Variants in MBP observed in about 807,000 individuals in gnomAD.
The protein encoded by MBP is myelin basic protein, also known as Golli-MBP.
MBP carries 16 observed loss-of-function variants against 35.8 expected under a neutral mutation model. The observed-to-expected ratio is 0.45, with a 90% CI of 0.30 to 0.68. MBP has a LOEUF of 0.68. MBP is among the 30% of genes least tolerant of loss of function. MBP has a pLI of 0.08. For missense variants in MBP, 380 were observed against 404.7 expected (o/e 0.94, Z 0.52); for synonymous variants, 143 against 159.6 (o/e 0.90, Z 0.78).
chr18:77,123,715 C>T (rs1452402053), intron 1 of MBP, among the ~76,000 whole-genome samples: 1 of 152,218 alleles, frequency 6.6e-6, no homozygotes, highest in East Asian at 1.9e-4. Context: ...TGTCCCCTCT[C>T]CTGGTGAGCA....
At position 77,036,983 on chromosome 18, in the gene MBP, G is replaced by A. The variant is rs1789254; in HGVS notation, c.140-19715C>T. On this transcript the variant is annotated intron_variant, in intron 3 of 8. Transcript: ENST00000355994. ...ACTGAGCTGAGCAAGTGCTGGTCAC[G>A]TTTTGGAGGACTGAGCTGAGCAAGT... Among the ~76,000 whole-genome samples the A allele has an allele frequency of 1.9e-3, 76 of 40,752 alleles. 12 individuals are homozygous for A. Among genetic ancestry groups the A allele is most frequent in the East Asian group, 2.3e-3 (3 of 1,282 alleles). The allele number at this position is 40,752 out of a possible 152,430, so 26.7% of individuals were successfully genotyped here. A position where few individuals can be genotyped will look rare whatever the true frequency, so the allele number is the denominator to read the frequency against.
chr18:77,053,735 A>G (rs1973607058), intron 3 of MBP, among the ~76,000 whole-genome samples: 1 of 152,226 alleles, frequency 6.6e-6, no homozygotes, highest in Non-Finnish European at 1.5e-5. Flanking sequence ...ACAGGAGAGG[A>G]GAGAGCAGCA....
At chr18:77,120,933 T>C (rs983693077) in intron 1 of MBP, among the ~76,000 whole-genome samples, 6 of 152,242 alleles carry the variant, frequency 3.9e-5, no homozygotes, top group African/African-American at 1.4e-4. Flanking sequence ...ACCTTTTCTA[T>C]GTTCTTGAGC....
At chr18:77,048,243 G>C (rs931339532) in intron 3 of MBP, among the ~76,000 whole-genome samples, 3 of 152,206 alleles carry the variant, frequency 2.0e-5, no homozygotes, top group Non-Finnish European at 2.9e-5. Flanking sequence ...GAGGACCTTG[G>C]GCTTCCAGCC....
intron 3 of MBP, among the ~76,000 whole-genome samples, chr18:77,060,232 A>G (rs1281269650): frequency 6.6e-6 from 1 of 152,128 alleles, no homozygotes; most frequent in Non-Finnish European, 1.5e-5. Flanking sequence ...AGGTGCTCAA[A>G]AATGATTTAA....
intron 3 of MBP, among the ~76,000 whole-genome samples, chr18:77,063,926 G>A (rs1261995265): frequency 6.6e-6 from 1 of 151,192 alleles, no homozygotes; most frequent in African/African-American, 2.4e-5. Flanking sequence ...GTGTGTGTAT[G>A]TGTGTATTTG....
At chr18:77,095,950 TG>T (rs1359055577) in intron 2 of MBP, among the ~76,000 whole-genome samples, 5 of 152,238 alleles carry the variant, frequency 3.3e-5, no homozygotes, top group Non-Finnish European at 7.3e-5. Flanking sequence ...CAGAGAGAGA[TG>T]ATTGCATAAA....
intron 2 of MBP, chr18:77,067,677 G>T (rs1158909100): frequency 2.6e-6 from 1 of 389,298 alleles, no homozygotes; most frequent in Non-Finnish European, 5.2e-6. Flanking sequence ...AGCACCGGGA[G>T]GCTGCTTCTC....
At position 77,047,817 on chromosome 18, in the gene MBP, C is replaced by T. The variant is rs562837735; in HGVS notation, c.139+18481G>A. On this transcript the variant is annotated intron_variant, in intron 3 of 8. Transcript: ENST00000355994. Reference sequence around the variant, plus strand: ...CTAGAGATATATTTAATATTTAATTCCAAATGCTAGCAAATGAACTGATTA... The same window carrying T: ...CTAGAGATATATTTAATATTTAATTTCAAATGCTAGCAAATGAACTGATTA... 1.5e-3 allele frequency among the ~76,000 whole-genome samples: 231 copies of T among 152,138 alleles called. 1 individual carries two copies. Among genetic ancestry groups the T allele is most frequent in the African/African-American group, 5.3e-3 (218 of 41,486 alleles).
chr18:77,051,814 C>T (rs1171607053), intron 3 of MBP, among the ~76,000 whole-genome samples: 2 of 152,236 alleles, frequency 1.3e-5, no homozygotes, highest in Non-Finnish European at 2.9e-5. Flanking sequence ...AGTGGGGGTG[C>T]ACTTTGCTAA....
intron 2 of MBP, among the ~76,000 whole-genome samples, chr18:77,091,271 G>C (rs1214477761): frequency 3.3e-5 from 5 of 152,068 alleles, no homozygotes; most frequent in Admixed American, 6.6e-5. Flanking sequence ...GTTTGTATTT[G>C]GTTATATATG....
At chr18:77,029,437 A>G (rs867464938) in intron 3 of MBP, among the ~76,000 whole-genome samples, 1,193 of 22,922 alleles carry the variant, frequency 0.052, 38 homozygotes, top group East Asian at 0.13. Context: ...GGAGAGGGAG[A>G]GGGAGGGGGA....
chr18:77,036,720 T>A (rs1275750146), intron 3 of MBP, among the ~76,000 whole-genome samples: 2 of 134,738 alleles, frequency 1.5e-5, no homozygotes, highest in African/African-American at 5.7e-5. Flanking sequence ...TTTGGAGGAC[T>A]GAGCTGAGCA....
Position 76,989,969 on chromosome 18 carries a change from A to C in MBP, c.668T>G (p.Phe223Cys), listed in dbSNP as rs772432583. The change falls in exon 5 of 9, where the codon TTC becomes TGC. Residue 223 changes from phenylalanine to cysteine, a missense_variant. By Grantham distance (205) the Phe-to-Cys change is radical. Coordinates refer to ENST00000355994, the MANE Select transcript of MBP (RefSeq NM_001025101.2). This position sits in a 1 kb window ranked among gnomAD's most constrained non-coding sequence, Gnocchi z 4.0. Reference protein sequence around the residue: ...RTQDENPVVHFFKNIVTPRTP... With the variant: ...RTQDENPVVHCFKNIVTPRTP... Reference sequence around the variant, plus strand: ...ATCGTCACTTACAATGTTCTTGAAGAAGTGGACTACGGGGTTTTCATCTTG... The same window carrying C: ...ATCGTCACTTACAATGTTCTTGAAGCAGTGGACTACGGGGTTTTCATCTTG... 6.2e-7 allele frequency: 1 copy of C among 1,611,872 alleles called. No homozygotes were observed. Among genetic ancestry groups the C allele is most frequent in the Non-Finnish European group, 8.5e-7 (1 of 1,179,506 alleles).
At chr18:77,096,195 A>C (rs551065493) in intron 2 of MBP, among the ~76,000 whole-genome samples, 3 of 152,346 alleles carry the variant, frequency 2.0e-5, no homozygotes, top group African/African-American at 4.8e-5. Context: ...AAGGAAAAGC[A>C]TTTTTCCCAT....
At chr18:77,070,109 A>C (rs1371147573) in intron 2 of MBP, among the ~76,000 whole-genome samples, 1 of 152,222 alleles carries the variant, frequency 6.6e-6, no homozygotes, top group African/African-American at 2.4e-5. Flanking sequence ...CTCGCAAAAC[A>C]AATAATGCAG....
At chr18:77,005,400 C>T (rs917159780) in intron 4 of MBP, 1 of 152,256 alleles carries the variant, frequency 6.6e-6, no homozygotes, top group East Asian at 1.9e-4. Context: ...CCCTTCATGA[C>T]CACAGCTCCG....
intron 1 of MBP, among the ~76,000 whole-genome samples, chr18:77,116,982 G>T (rs548041743): frequency 6.6e-6 from 1 of 152,332 alleles, no homozygotes; most frequent in African/African-American, 2.4e-5. Context: ...CTGCTACGTG[G>T]TTTGTGACTT....
At chr18:77,016,362 C>T (rs988609885) in intron 4 of MBP, 3 of 990,368 alleles carry the variant, frequency 3.0e-6, no homozygotes, top group African/African-American at 1.7e-5. Flanking sequence ...AAGTCTTCCT[C>T]GACCTCAATC....
Sources: allele counts gnomAD v4.1 joint callset (sites outside exome capture counted in the v4.1 genomes callset), GRCh38; gene constraint gnomAD v4.1.1; non-coding constraint Gnocchi (gnomAD v3.1); transcripts MANE v1.5; gene names NCBI Gene and HGNC (gene_info 2026-07-23, HGNC 2026-07-21).